The following PRKCG variants were observed in gnomAD, a reference collection of about 807,000 sequenced individuals.
The protein encoded by PRKCG is protein kinase C gamma, also known as protein kinase C gamma type.
In PRKCG, 28 loss-of-function variants were observed where a neutral mutation model predicts 82.0. That is an observed-to-expected ratio of 0.34 (90% CI 0.25 to 0.47). The LOEUF is 0.47. Ranked by LOEUF, PRKCG falls within the 20% of genes least tolerant of loss-of-function variation. The probability of loss-of-function intolerance (pLI) is 1.00; values close to 1 mark genes in which losing one functional copy is unlikely to be tolerated. For missense variants in PRKCG, 640 were observed against 952.7 expected (o/e 0.67, Z 4.32); for synonymous variants, 383 against 376.6 (o/e 1.02, Z -0.20).
At chr19:53,896,074 AAG>A (rs978504442) in intron 9 of PRKCG, among the ~76,000 whole-genome samples, 6 of 150,382 alleles carry the variant, frequency 4.0e-5, no homozygotes, top group African/African-American at 1.5e-4. Flanking sequence ...AAAAAAAAAA[AAG>A]AGAGAATGGG....
At chr19:53,881,903 T>G (rs1199110967), upstream of PRKCG, 1 of 166,120 alleles carries the variant, frequency 6.0e-6, no homozygotes, top group Non-Finnish European at 1.3e-5. Context: ...TAAAGTTTGT[T>G]GAAGGAAGGA....
chr19:53,890,588 G>A (rs916778767), intron 5 of PRKCG, among the ~76,000 whole-genome samples: 1 of 151,344 alleles, frequency 6.6e-6, no homozygotes, highest in African/African-American at 2.4e-5. Context: ...TTTATTTTAT[G>A]TTTATTTTTT....
Position 53,892,361 on chromosome 19 carries a change from C to T in PRKCG, c.687-148C>T, listed in dbSNP as rs968548921. The T allele has an allele frequency of 4.8e-6, 6 of 1,237,200 alleles. No homozygotes were observed. The highest frequency in any genetic ancestry group is 4.5e-5 in the African/African-American group (3 of 66,738). The allele number at this position is 1,237,200 out of a possible 1,614,324, so 76.6% of individuals were successfully genotyped here. A position where few individuals can be genotyped will look rare whatever the true frequency, so the allele number is the denominator to read the frequency against. On this transcript the variant is annotated intron_variant, in intron 6 of 17. Coordinates refer to ENST00000263431, the MANE Select transcript of PRKCG (RefSeq NM_002739.5). The surrounding 1 kb of genome is among the most constrained non-coding windows in gnomAD (Gnocchi z 5.9). Reference sequence around the variant, plus strand: ...CAAAGCCCTAGCTGGAGAGAGAGCCCGGCTGGGAAGGTCAGAGGTCGGAGA... The same window carrying T: ...CAAAGCCCTAGCTGGAGAGAGAGCCTGGCTGGGAAGGTCAGAGGTCGGAGA...
chr19:53,885,631 A>G (rs1266414798), intron 3 of PRKCG, among the ~76,000 whole-genome samples: 1 of 152,188 alleles, frequency 6.6e-6, no homozygotes, highest in Non-Finnish European at 1.5e-5. Context: ...AGGTGGGTTC[A>G]GAGTTTCGCC....
chr19:53,892,696 C>CTG lies in PRKCG; in HGVS notation c.821+60_821+61dup. On this transcript the variant is annotated intron_variant, in intron 7 of 17. Coordinates refer to ENST00000263431, the MANE Select transcript of PRKCG (RefSeq NM_002739.5). This position sits in a 1 kb window ranked among gnomAD's most constrained non-coding sequence, Gnocchi z 5.9. ...TGGAGCGCAATATTACCATCTCCAT[C>CTG]TGTGTGTGGTCTCTCTCCTCCAGGC... The CTG allele has an allele frequency of 3.2e-6, 5 of 1,585,948 alleles. No homozygotes were observed. Among genetic ancestry groups the CTG allele is most frequent in the Non-Finnish European group, 4.3e-6 (5 of 1,170,272 alleles).
chr19:53,881,157 G>A (rs2545046), upstream of PRKCG, among the ~76,000 whole-genome samples: 123,727 of 151,282 alleles, frequency 0.82, 52,659 homozygotes, highest in East Asian at 0.99. Context: ...GATCAACAGA[G>A]CCAGAGAGGG....
Position 53,892,891 on chromosome 19 carries a change from C to T in PRKCG, c.822-97C>T, listed in dbSNP as rs75939220. 1,464 of 1,217,274 alleles carry T rather than the reference C, an allele frequency of 1.2e-3. 16 individuals carry two copies. In the African/African-American group the frequency reaches 0.019, roughly 15 times the overall value. The allele number at this position is 1,217,274 out of a possible 1,614,324, so 75.4% of individuals were successfully genotyped here. On this transcript the variant is annotated intron_variant, in intron 7 of 17. Coordinates refer to ENST00000263431, the MANE Select transcript of PRKCG (RefSeq NM_002739.5). This position sits in a 1 kb window ranked among gnomAD's most constrained non-coding sequence, Gnocchi z 5.9. ...TCTTTCTCTCTTCCATCTCTGTGTC[C>T]GTCTCTCTGTGTCTCTTTCCTCCCT... is the stretch of plus-strand genomic sequence containing the variant.
rs1304903654 is a variant in PRKCG, at chr19:53,883,647, G to A, written c.202+453G>A. ...GCCGGCAGTTCTGGGGGGCGGGAGAGGGGGGCGAGTCCTTGAGCACCAGCT... is the reference window on the plus strand; with the variant it reads ...GCCGGCAGTTCTGGGGGGCGGGAGAAGGGGGCGAGTCCTTGAGCACCAGCT... On this transcript the variant is annotated intron_variant, in intron 2 of 17. Coordinates refer to ENST00000263431, the MANE Select transcript of PRKCG (RefSeq NM_002739.5). The surrounding 1 kb of genome is among the most constrained non-coding windows in gnomAD (Gnocchi z 5.4). Among the ~76,000 whole-genome samples, 1 of 146,554 alleles carries A rather than the reference G, an allele frequency of 6.8e-6. No homozygotes were observed. The highest frequency in any genetic ancestry group is 1.5e-5 in the Non-Finnish European group (1 of 66,198).
Position 53,882,537 on chromosome 19 carries a change from C to A in PRKCG, c.43C>A (p.Pro15Thr). ...GPGVGDSEGG[P>T]RPLFCRKGAL... ...CGGCGTAGGCGATTCAGAGGGGGGA[C>A]CCCGGCCCCTGTTTTGCAGAAAGGG... The change falls in exon 1 of 18, where the codon CCC (proline) becomes ACC (threonine). Residue 15 changes from proline to threonine, a missense_variant. Physicochemically the swap from Pro to Thr is conservative, Grantham distance 38. Coordinates refer to ENST00000263431, the MANE Select transcript of PRKCG (RefSeq NM_002739.5). This position sits in a 1 kb window ranked among gnomAD's most constrained non-coding sequence, Gnocchi z 6.1. 6.2e-7 allele frequency: 1 copy of A among 1,614,154 alleles called. No homozygotes were observed. The highest frequency in any genetic ancestry group is 1.1e-5 in the South Asian group (1 of 91,088).
rs759052202 is a variant in PRKCG at position 53,884,280 on chromosome 19, G to GT, written c.285+38dup. ...GACACCTGGTTCTCCTCCTCGGGCCGTGCCCCCGCCCTCACCCCCTCGGCG... is the reference window on the plus strand; with the variant it reads ...GACACCTGGTTCTCCTCCTCGGGCCGTTGCCCCCGCCCTCACCCCCTCGGCG... On this transcript the variant is annotated intron_variant, in intron 3 of 17. Coordinates refer to ENST00000263431, the MANE Select transcript of PRKCG (RefSeq NM_002739.5). The surrounding 1 kb of genome is among the most constrained non-coding windows in gnomAD (Gnocchi z 4.6). The GT allele has an allele frequency of 6.3e-6, 10 of 1,592,678 alleles. No homozygotes were observed. Among genetic ancestry groups the GT allele is most frequent in the Admixed American group, 3.3e-5 (2 of 59,986 alleles).
Position 53,884,144 on chromosome 19 carries a change from A to G in PRKCG, c.203-17A>G, listed in dbSNP as rs200558447. ...AATCCATGCCTCCGTCTGTGTCTCTATGATTTTCATCTATAGTCTGCAGCT... is the reference window on the plus strand; with the variant it reads ...AATCCATGCCTCCGTCTGTGTCTCTGTGATTTTCATCTATAGTCTGCAGCT... On this transcript the variant is annotated splice_polypyrimidine_tract_variant and intron_variant, in intron 2 of 17. Transcript: ENST00000263431. The surrounding 1 kb of genome is among the most constrained non-coding windows in gnomAD (Gnocchi z 4.6). 2.0e-4 allele frequency: 328 copies of G among 1,613,572 alleles called. 1 individual carries two copies. In the East Asian group the frequency reaches 5.8e-3, roughly 29 times the overall value.
Position 53,882,717 on chromosome 19 carries a change from T to A in PRKCG, c.170+53T>A. The stretch of plus-strand genomic sequence containing the variant: ...GGACGAGGGGACTAGGGGTGCAGAC[T>A]CCTATCACGCCGACCCCTGTGGAAG... On this transcript the variant is annotated intron_variant, in intron 1 of 17. Coordinates refer to ENST00000263431, the MANE Select transcript of PRKCG (RefSeq NM_002739.5). The surrounding 1 kb of genome is among the most constrained non-coding windows in gnomAD (Gnocchi z 6.1). The A allele has an allele frequency of 6.3e-7, 1 of 1,596,600 alleles. No homozygotes were observed. Among genetic ancestry groups the A allele is most frequent in the Non-Finnish European group, 8.5e-7 (1 of 1,170,780 alleles).
rs2068612577 is a variant in PRKCG, at chr19:53,883,937, G to T, written c.203-224G>T. On this transcript the variant is annotated intron_variant, in intron 2 of 17. Transcript: ENST00000263431. This position sits in a 1 kb window ranked among gnomAD's most constrained non-coding sequence, Gnocchi z 5.4. ...GCTCTGTGTCTCTCTGTAAGTCTCT[G>T]CGTCTCTGTTTCTGACTCTGAGCCC... Among the ~76,000 whole-genome samples the T allele has an allele frequency of 6.6e-6, 1 of 151,968 alleles. No homozygotes were observed. Among genetic ancestry groups the T allele is most frequent in the Non-Finnish European group, 1.5e-5 (1 of 68,012 alleles).
chr19:53,885,369 C>T (rs1241494291), intron 3 of PRKCG, among the ~76,000 whole-genome samples: 2 of 152,152 alleles, frequency 1.3e-5, no homozygotes, highest in Non-Finnish European at 2.9e-5. Flanking sequence ...GCTGGGACTA[C>T]AGGCGCATGC....
chr19:53,890,058 A>G (rs1357486068), intron 5 of PRKCG, 41 bp downstream of exon 5: 1 of 1,537,486 alleles, frequency 6.5e-7, no homozygotes, highest in Admixed American at 2.0e-5. Context: ...CCCCTCCCCA[A>G]GTGTGAGGCG....
Position 53,903,061 on chromosome 19 carries a change from C to A in PRKCG, c.1576-12C>A. 1 of 1,609,930 alleles carries A rather than the reference C, an allele frequency of 6.2e-7. No homozygotes were observed. Among genetic ancestry groups the A allele is most frequent in the Non-Finnish European group, 8.5e-7 (1 of 1,176,282 alleles). The stretch of plus-strand genomic sequence containing the variant: ...GAACGCATCATGATTCCCTGCCTTC[C>A]ACCTCCCCTAGATCATTGCCTACCA... On this transcript the variant is annotated splice_polypyrimidine_tract_variant and intron_variant, in intron 14 of 17. Coordinates refer to ENST00000263431, the MANE Select transcript of PRKCG (RefSeq NM_002739.5).
chr19:53,902,890 C>CAAA (rs56955659), intron 14 of PRKCG, among the ~76,000 whole-genome samples, 183 bp from the exon 15 acceptor site: 24 of 19,968 alleles, frequency 1.2e-3, no homozygotes, highest in South Asian at 2.0e-3. Flanking sequence ...GAGACCCTGT[C>CAAA]AAAAAAAAAA....
intron 9 of PRKCG, among the ~76,000 whole-genome samples, chr19:53,893,786 T>C (rs924213743): frequency 2.0e-5 from 3 of 151,888 alleles, no homozygotes; most frequent in African/African-American, 4.8e-5. Flanking sequence ...TTATTTTTAT[T>C]TCTGTCGCCC....
rs954052292 is a variant in PRKCG at position 53,892,776 on chromosome 19, ACACACG to A, written c.821+139_821+144del. On this transcript the variant is annotated intron_variant, in intron 7 of 17. Transcript: ENST00000263431. This position sits in a 1 kb window ranked among gnomAD's most constrained non-coding sequence, Gnocchi z 5.9. ...CGCACACACACACACACACACACAC[ACACACG>A]CACACACACGCACACACCCCTCTCT... 125 of 1,011,378 alleles carry A rather than the reference ACACACG, an allele frequency of 1.2e-4. No individual in the cohort carries two copies. Among genetic ancestry groups the A allele is most frequent in the Middle Eastern group, 7.5e-4 (3 of 3,988 alleles). 62.7% of individuals were successfully genotyped at this position (1,011,378 alleles called of 1,614,324 possible). A position where few individuals can be genotyped will look rare whatever the true frequency, so the allele number is the denominator to read the frequency against.
Sources: allele counts gnomAD v4.1 joint callset (sites outside exome capture counted in the v4.1 genomes callset), GRCh38; gene constraint gnomAD v4.1.1; non-coding constraint Gnocchi (gnomAD v3.1); transcripts MANE v1.5; gene names NCBI Gene and HGNC (gene_info 2026-07-23, HGNC 2026-07-21).